CDH23: variants seen among roughly 807,000 people sequenced by gnomAD.
CDH23 encodes the protein cadherin related 23.
A neutral mutation model predicts 317.1 loss-of-function variants in CDH23; 189 were observed. The ratio of observed to expected loss-of-function variants is 0.60; its 90% confidence interval spans 0.53 to 0.67. The LOEUF is 0.67. CDH23 is among the 30% of genes least tolerant of loss of function. CDH23 has a pLI of 0.00. For missense variants in CDH23, 4,401 were observed against 4,592.4 expected (o/e 0.96, Z 1.20); for synonymous variants, 1,839 against 1,876.8 (o/e 0.98, Z 0.52).
At chr10:71,698,104 T>G (rs891718779) in intron 22 of CDH23, among the ~76,000 whole-genome samples, 1 of 152,098 alleles carries the variant, frequency 6.6e-6, no homozygotes, top group Non-Finnish European at 1.5e-5. Flanking sequence ...AAATTGGAGG[T>G]TAGATTTTTC....
chr10:71,671,221 A>T (rs927179411), intron 14 of CDH23, among the ~76,000 whole-genome samples: 3 of 151,772 alleles, frequency 2.0e-5, no homozygotes, highest in African/African-American at 7.3e-5. Context: ...CGGCCTCCCA[A>T]ACCAAAGTGC....
chr10:71,710,229 G>C (rs992725670), intron 27 of CDH23, among the ~76,000 whole-genome samples: 2 of 152,210 alleles, frequency 1.3e-5, no homozygotes, highest in Admixed American at 1.3e-4. Context: ...TTCAAGTGCA[G>C]CGGCATGGAA....
At chr10:71,658,527 C>T (rs1863513361) in intron 14 of CDH23, among the ~76,000 whole-genome samples, 2 of 152,246 alleles carry the variant, frequency 1.3e-5, no homozygotes, top group South Asian at 4.1e-4. Context: ...CCAGAATCTA[C>T]CATCCTTGAC....
Position 71,793,466 on chromosome 10 carries a change from A to G in CDH23, c.6538A>G (p.Thr2180Ala), listed in dbSNP as rs755307177. 2.5e-5 allele frequency: 41 copies of G among 1,613,854 alleles called. No individual in the cohort carries two copies. Among genetic ancestry groups the G allele is most frequent in the Non-Finnish European group, 3.4e-5 (40 of 1,179,892 alleles). ...SRPEFLNPIQ[T>A]VSVLESAEPG... is the part of the protein sequence containing the mutation. ...CCCCGAGTTCCTCAACCCCATCCAG[A>G]CAGTGAGCGTGCTGGAGTCGGCTGA... Residue 2180 changes from threonine (T) to alanine (A), a missense_variant, in exon 48 of 70, where the codon ACA (threonine) becomes GCA (alanine). Transcript: ENST00000224721.
At chr10:71,708,605 C>T (rs771359269) in intron 26 of CDH23, among the ~76,000 whole-genome samples, 33 of 152,222 alleles carry the variant, frequency 2.2e-4, no homozygotes, top group Admixed American at 2.6e-4. Context: ...CAGGAAGCTT[C>T]GCTCCTCAGC....
intron 6 of CDH23, among the ~76,000 whole-genome samples, chr10:71,534,416 C>T (rs879670086): frequency 3.3e-5 from 5 of 152,198 alleles, no homozygotes; most frequent in Admixed American, 1.3e-4. Flanking sequence ...CCCATCGCTG[C>T]GGAATCCCCA....
rs575462354 is a variant in CDH23 at position 71,481,996 on chromosome 10, G to A, written c.146-28086G>A. 6.6e-5 allele frequency among the ~76,000 whole-genome samples: 10 copies of A among 152,272 alleles called. No individual in the cohort carries two copies. The South Asian group carries it at 2.1e-3, about 32-fold the overall frequency. ...GTGGGGGGAGTCGGGGCTGGCGTGA[G>A]TGTGAGTCCTCTTCCCACCCTCCCC... On this transcript the variant is annotated intron_variant, in intron 3 of 69. Coordinates refer to ENST00000224721, the MANE Select transcript of CDH23 (RefSeq NM_022124.6).
At chr10:71,531,546 T>A (rs1299885428) in intron 6 of CDH23, among the ~76,000 whole-genome samples, 1 of 152,152 alleles carries the variant, frequency 6.6e-6, no homozygotes, top group African/African-American at 2.4e-5. Flanking sequence ...CTCACCCCAC[T>A]AGAGTGACTG....
chr10:71,682,608 T>A (rs371691142), intron 18 of CDH23, 36 bp downstream of exon 18: 439 of 1,607,370 alleles, frequency 2.7e-4, no homozygotes, highest in Non-Finnish European at 3.5e-4. Context: ...GCCCTGCTAG[T>A]GTAAGGGATG....
At chr10:71,532,073 G>A (rs1057156686) in intron 6 of CDH23, among the ~76,000 whole-genome samples, 2 of 152,164 alleles carry the variant, frequency 1.3e-5, no homozygotes, top group Admixed American at 6.5e-5. Flanking sequence ...AGGAAAAGCT[G>A]TTTGGGAGCC....
intron 6 of CDH23, among the ~76,000 whole-genome samples, chr10:71,548,359 C>T (rs1164690477): frequency 6.6e-6 from 1 of 152,138 alleles, no homozygotes; most frequent in Admixed American, 6.5e-5. Context: ...ACAGGAATAT[C>T]TCGAGGTCCA....
chr10:71,472,720 C>T (rs1049245825), intron 3 of CDH23, among the ~76,000 whole-genome samples: 18 of 152,160 alleles, frequency 1.2e-4, no homozygotes, highest in Non-Finnish European at 1.0e-4. Flanking sequence ...GAGGTGGCAG[C>T]AAGTGGTGGG....
chr10:71,582,566 T>G (rs529608299), intron 9 of CDH23, among the ~76,000 whole-genome samples: 1 of 152,358 alleles, frequency 6.6e-6, no homozygotes, highest in South Asian at 2.1e-4. Context: ...GGCCTCGGCT[T>G]AGCTTCTGCC....
intron 3 of CDH23, among the ~76,000 whole-genome samples, chr10:71,469,244 G>A (rs1589110856): frequency 1.3e-5 from 2 of 152,152 alleles, no homozygotes; most frequent in African/African-American, 4.8e-5. Context: ...CATTAAGATA[G>A]CGAACATATC....
chr10:71,478,275 A>C (rs1851892403), intron 3 of CDH23, among the ~76,000 whole-genome samples: 1 of 152,198 alleles, frequency 6.6e-6, no homozygotes, highest in African/African-American at 2.4e-5. Context: ...GTCATCTCTT[A>C]CCACTGTATG....
intron 48 of CDH23, 148 bp from the exon 49 acceptor site, chr10:71,796,956 G>A (rs1262537235): frequency 5.0e-6 from 3 of 605,868 alleles, no homozygotes; most frequent in African/African-American, 1.8e-5. Context: ...TGAGGAGGCT[G>A]TGGGCCCACC....
At chr10:71,569,801 T>C (rs1407931035) in intron 7 of CDH23, among the ~76,000 whole-genome samples, 1 of 152,218 alleles carries the variant, frequency 6.6e-6, no homozygotes, top group East Asian at 1.9e-4. Context: ...CTGCAGTTAC[T>C]ATTATTGCTG....
rs770424568 is a variant in CDH23 at position 71,740,981 on chromosome 10, G to T, written c.4617+31G>T. The T allele has an allele frequency of 1.9e-6, 3 of 1,613,114 alleles. No homozygotes were observed. The South Asian group carries it at 3.3e-5, about 18-fold the overall frequency. ...GGCAGCCCCGGGGCCCATATAGCTGGACATACGGGGGGACCGTGGGCACGA... is the reference window on the plus strand; with the variant it reads ...GGCAGCCCCGGGGCCCATATAGCTGTACATACGGGGGGACCGTGGGCACGA... On this transcript the variant is annotated intron_variant, in intron 37 of 69. Coordinates refer to ENST00000224721, the MANE Select transcript of CDH23 (RefSeq NM_022124.6).
chr10:71,607,852 G>A (rs543209193), intron 9 of CDH23, among the ~76,000 whole-genome samples: 55 of 152,300 alleles, frequency 3.6e-4, no homozygotes, highest in African/African-American at 1.2e-3. Context: ...GCAGTGAGCT[G>A]TGATCAAGCC....
Sources: allele counts gnomAD v4.1 joint callset (sites outside exome capture counted in the v4.1 genomes callset), GRCh38; gene constraint gnomAD v4.1.1; transcripts MANE v1.5; gene names NCBI Gene and HGNC (gene_info 2026-07-23, HGNC 2026-07-21).